DENND6A: variants seen among roughly 807,000 people sequenced by gnomAD.
DENND6A encodes the protein protein DENND6A.
In DENND6A, 43 loss-of-function variants were observed where a neutral mutation model predicts 95.5. That is an observed-to-expected ratio of 0.45 (90% CI 0.35 to 0.58). DENND6A has a LOEUF of 0.58. Among genes scored for constraint, DENND6A ranks in the 20% least tolerant of loss-of-function variants. The pLI is 0.00. For missense variants in DENND6A, 574 were observed against 736.0 expected, an observed-to-expected ratio of 0.78 and a Z score of 2.55; for synonymous variants, 257 against 260.4, an observed-to-expected ratio of 0.99 and a Z score of 0.13.
At chr3:57,662,817 A>G (rs1384179067) in intron 5 of DENND6A, among the ~76,000 whole-genome samples, 1 of 151,994 alleles carries the variant, frequency 6.6e-6, no homozygotes, top group East Asian at 1.9e-4. Context: ...TAATAAAAAA[A>G]AGATAAAATA....
At chr3:57,631,982 A>C (rs2070690623) in intron 15 of DENND6A, among the ~76,000 whole-genome samples, 1 of 144,412 alleles carries the variant, frequency 6.9e-6, no homozygotes. Context: ...TCGGCCTCCC[A>C]AAGTGCTGGG....
intron 1 of DENND6A, among the ~76,000 whole-genome samples, chr3:57,682,698 T>TG (rs2077177623): frequency 6.6e-6 from 1 of 152,042 alleles, no homozygotes; most frequent in Non-Finnish European, 1.5e-5. Flanking sequence ...GTTTTTGAGA[T>TG]GGAGTCTGGC....
At chr3:57,662,185 C>CTTTTTTTTTTTTTTTTTTTTTTT (rs60063768) in intron 5 of DENND6A, among the ~76,000 whole-genome samples, 2 of 79,136 alleles carry the variant, frequency 2.5e-5, no homozygotes, top group Admixed American at 2.0e-4. Flanking sequence ...TTTCTTTTTT[C>CTTTTTTTTTTTTTTTTTTTTTTT]TTTTTTTTTT....
chr3:57,640,706 T>C (rs1575821427), intron 12 of DENND6A, among the ~76,000 whole-genome samples: 1 of 152,138 alleles, frequency 6.6e-6, no homozygotes. Context: ...AAGGAGAAAA[T>C]AGTCAGTAGT....
rs565542789 is a variant in DENND6A, at chr3:57,632,552, A to G, written c.1353+713T>C. Among the ~76,000 whole-genome samples, 4 of 152,322 alleles carry G rather than the reference A, an allele frequency of 2.6e-5. No homozygotes were observed. The South Asian group carries it at 8.3e-4, about 32-fold the overall frequency. On this transcript the variant is annotated intron_variant, in intron 15 of 19. Coordinates refer to ENST00000311128, the MANE Select transcript of DENND6A (RefSeq NM_152678.3). ...GATTTAATGGAATAAATAACTTGAC[A>G]CCCAAAGACCAAGAAATAATATTTC...
chr3:57,673,231 AAG>A lies in DENND6A; in HGVS notation c.238-795_238-794del, dbSNP rs1553743919. On this transcript the variant is annotated intron_variant, in intron 1 of 19. Transcript: ENST00000311128. ...TTCGTATCAAAAAAAAAAAAAAAAA[AAG>A]AAAGAAAAAGAAAAAAAAAAAATAA... Among the ~76,000 whole-genome samples, 719 of 145,982 alleles carry A rather than the reference AAG, an allele frequency of 4.9e-3. 1 individual carries two copies. The highest frequency in any genetic ancestry group is 0.014 in the Middle Eastern group (4 of 282).
chr3:57,675,160 A>T (rs1006349218), intron 1 of DENND6A, among the ~76,000 whole-genome samples: 1 of 152,210 alleles, frequency 6.6e-6, no homozygotes, highest in Non-Finnish European at 1.5e-5. Flanking sequence ...AAAAAGCAAA[A>T]CAAAAAGAAA....
intron 8 of DENND6A, 65 bp downstream of exon 8, chr3:57,659,053 A>T: frequency 6.9e-7 from 1 of 1,456,298 alleles, no homozygotes; most frequent in Non-Finnish European, 9.5e-7. Context: ...TGCATTTGCT[A>T]GTTTAAAAAT....
rs781771957 is a variant in DENND6A, at chr3:57,630,374, T to C, written c.1620+47A>G. The C allele has an allele frequency of 3.4e-6, 5 of 1,485,260 alleles. 1 individual carries two copies. The South Asian group carries it at 3.9e-5, about 11-fold the overall frequency. The allele number at this position is 1,485,260 out of a possible 1,614,324, so 92.0% of individuals were successfully genotyped here. On this transcript the variant is annotated intron_variant, in intron 18 of 19. Coordinates refer to ENST00000311128, the MANE Select transcript of DENND6A (RefSeq NM_152678.3). ...TTCAACTTCTAAGCATAATTATCTT[T>C]ATTTTCAACAGTTGTTAATCATTAC... is the stretch of plus-strand genomic sequence containing the variant.
chr3:57,692,677 C>A, intron 1 of DENND6A, 105 bp downstream of exon 1: 2 of 1,077,832 alleles, frequency 1.9e-6, no homozygotes, highest in South Asian at 1.9e-5. Flanking sequence ...CGCCCGGATG[C>A]GCCGCGGACA....
intron 15 of DENND6A, chr3:57,631,217 G>C (rs1289160396): frequency 4.3e-6 from 2 of 462,002 alleles, no homozygotes; most frequent in Non-Finnish European, 7.7e-6. Context: ...TCTTTTTTGA[G>C]ACAGAGCCTT....
intron 12 of DENND6A, among the ~76,000 whole-genome samples, chr3:57,639,241 G>A (rs1470145655): frequency 6.6e-6 from 1 of 152,126 alleles, no homozygotes; most frequent in African/African-American, 2.4e-5. Context: ...TTCTAGAATG[G>A]CCATAATGAA....
intron 9 of DENND6A, among the ~76,000 whole-genome samples, chr3:57,651,918 A>G (rs2071217476): frequency 6.6e-6 from 1 of 152,118 alleles, no homozygotes; most frequent in African/African-American, 2.4e-5. Context: ...GTGATTTAAA[A>G]TATGTCCAGG....
chr3:57,642,085 C>A (rs1348480371), intron 11 of DENND6A, among the ~76,000 whole-genome samples: 2 of 151,890 alleles, frequency 1.3e-5, no homozygotes, highest in Non-Finnish European at 1.5e-5. Flanking sequence ...GAGGCTGAGG[C>A]GGGCAGATCA....
chr3:57,685,618 TAAACA>T (rs2077205104), intron 1 of DENND6A, among the ~76,000 whole-genome samples: 1 of 152,160 alleles, frequency 6.6e-6, no homozygotes, highest in South Asian at 2.1e-4. Flanking sequence ...CCTGTATTCC[TAAACA>T]AAACAAAAAC....
chr3:57,633,430 G>T, intron 14 of DENND6A, 76 bp from the exon 15 acceptor site: 1 of 1,194,326 alleles, frequency 8.4e-7, no homozygotes, highest in Non-Finnish European at 1.2e-6. Flanking sequence ...AGATTCAATT[G>T]CTATGTAAAT....
intron 1 of DENND6A, among the ~76,000 whole-genome samples, chr3:57,673,044 A>T (rs147277982): frequency 0.013 from 1,946 of 150,810 alleles, 45 homozygotes; most frequent in African/African-American, 0.044. Context: ...ATGAAACCCC[A>T]TCTCTACTAA....
chr3:57,646,360 C>T lies in DENND6A; in HGVS notation c.897G>A (p.Ala299=), dbSNP rs371523708. Residue 299 remains alanine (A), a synonymous_variant, in exon 10 of 20, where the codon GCG becomes GCA. Coordinates refer to ENST00000311128, the MANE Select transcript of DENND6A (RefSeq NM_152678.3). ...VLLGEPLVVM[A]PSPSESSETV... is the part of the protein sequence containing the mutation. ...TCTCTGATGATTCCGATGGTGATGG[C>T]GCCATAACCACAAGGGGCTCCCCCA... The T allele has an allele frequency of 2.6e-5, 42 of 1,613,946 alleles. No individual in the cohort carries two copies. Among genetic ancestry groups the T allele is most frequent in the African/African-American group, 2.5e-4 (19 of 75,026 alleles).
At chr3:57,650,847 C>T (rs1202623540) in intron 9 of DENND6A, among the ~76,000 whole-genome samples, 3 of 149,576 alleles carry the variant, frequency 2.0e-5, no homozygotes, top group African/African-American at 4.9e-5. Context: ...TGCAATGGCG[C>T]GATCTTGGCT....
Sources: allele counts gnomAD v4.1 joint callset (sites outside exome capture counted in the v4.1 genomes callset), GRCh38; gene constraint gnomAD v4.1.1; transcripts MANE v1.5; gene names NCBI Gene and HGNC (gene_info 2026-07-23, HGNC 2026-07-21).